Variants in SLC12A5 observed in about 807,000 individuals in gnomAD.
SLC12A5 encodes the protein K-Cl cotransporter 2.
SLC12A5 carries 18 observed loss-of-function variants against 124.0 expected under a neutral mutation model. The observed-to-expected ratio is 0.15, with a 90% CI of 0.10 to 0.22. The LOEUF is 0.22. Ranked by LOEUF, SLC12A5 falls within the 10% of genes least tolerant of loss-of-function variation. The pLI, the probability that SLC12A5 is intolerant of heterozygous loss-of-function variation, is 1.00. For missense variants in SLC12A5, 867 were observed against 1,478.7 expected (o/e 0.59, Z 6.78); for synonymous variants, 589 against 568.0 (o/e 1.04, Z -0.53).
chr20:46,040,631 T>G lies in SLC12A5; in HGVS notation c.854+17T>G. On this transcript the variant is annotated intron_variant, in intron 7 of 25. Transcript: ENST00000243964. ...CAACTTCCCGTGAGTGCTGCTGCTC[T>G]GAGCCCAAGGAATCGTCCTCCTACC... 6.2e-7 allele frequency: 1 copy of G among 1,612,218 alleles called. No individual in the cohort carries two copies. Among genetic ancestry groups the G allele is most frequent in the Non-Finnish European group, 8.5e-7 (1 of 1,178,442 alleles).
At position 46,031,593 on chromosome 20, in the gene SLC12A5, T is replaced by G. The variant is rs1298404992; in HGVS notation, c.52+2197T>G. Among the ~76,000 whole-genome samples, 4 of 152,144 alleles carry G rather than the reference T, an allele frequency of 2.6e-5. No homozygotes were observed. The East Asian group carries it at 7.7e-4, about 29-fold the overall frequency. On this transcript the variant is annotated intron_variant, in intron 1 of 25. Transcript: ENST00000243964. The stretch of plus-strand genomic sequence containing the variant: ...TCTGGACTAAAGAAGAGCCCAGGGA[T>G]GTGTCCCGGTCTTCTTTCTCCTTGG...
upstream of SLC12A5, chr20:46,021,835 C>T (rs1056105141): frequency 3.3e-6 from 5 of 1,533,662 alleles, no homozygotes; most frequent in Non-Finnish European, 4.4e-6. Context: ...CCCAGAGTCC[C>T]GCCGGCATTC....
chr20:46,054,800 G>T (rs1378198148), intron 20 of SLC12A5, 116 bp from the exon 21 acceptor site: 4 of 694,224 alleles, frequency 5.8e-6, no homozygotes, highest in East Asian at 2.7e-5. Flanking sequence ...GCCCTAGGCT[G>T]CCAGAAGGAC....
Position 46,049,780 on chromosome 20 carries a change from G to A in SLC12A5, c.2171G>A (p.Arg724Gln), listed in dbSNP as rs763907201. 52 of 1,594,158 alleles carry A rather than the reference G, an allele frequency of 3.3e-5. No homozygotes were observed. The South Asian group carries it at 5.4e-4, about 17-fold the overall frequency. Residue 724 changes from arginine to glutamine, a missense_variant, in exon 17 of 26, where the codon CGG (arginine) becomes CAG (glutamine). Arg to Gln is a conservative substitution (Grantham distance 43). Coordinates refer to ENST00000243964, the MANE Select transcript of SLC12A5 (RefSeq NM_020708.5). Reference protein sequence around the residue: ...TFLENHPQAQRAEESIRRLME... With the variant: ...TFLENHPQAQQAEESIRRLME... ...CTGGAAAATCATCCACAGGCCCAGC[G>A]GGCAGAAGAGGTGAGCAGAGGCCCT...
At chr20:46,029,073 T>G (rs2084421595), upstream of SLC12A5, 32 of 1,259,906 alleles carry the variant, frequency 2.5e-5, no homozygotes, top group Non-Finnish European at 3.2e-5. Flanking sequence ...TCTCTCTCCC[T>G]CCCGCTCTCC....
intron 1 of SLC12A5, among the ~76,000 whole-genome samples, chr20:46,034,020 C>T (rs577900280): frequency 5.3e-5 from 8 of 152,226 alleles, no homozygotes; most frequent in African/African-American, 1.4e-4. Context: ...TTCTTGAACA[C>T]GACCTGCTAA....
chr20:46,046,303 A>C (rs374143473), intron 13 of SLC12A5, 35 bp from the exon 14 acceptor site: 19 of 1,581,478 alleles, frequency 1.2e-5, no homozygotes, highest in Middle Eastern at 1.7e-4. Context: ...CTCCCTTTGC[A>C]TCTCTGTCTC....
upstream of SLC12A5, among the ~76,000 whole-genome samples, chr20:46,027,003 C>G (rs1412099293): frequency 6.6e-6 from 1 of 152,226 alleles, no homozygotes; most frequent in East Asian, 1.9e-4. Context: ...TACTGAAAAA[C>G]CTTAGCATCT....
chr20:46,044,875 C>T (rs1303639376), intron 11 of SLC12A5, 91 bp from the exon 12 acceptor site: 36 of 1,426,306 alleles, frequency 2.5e-5, no homozygotes, highest in Non-Finnish European at 3.2e-5. Flanking sequence ...CTGTGGCAGG[C>T]ACACAGTTGG....
rs1288834040 is a variant in SLC12A5 at position 46,053,621 on chromosome 20, T to C, written c.2591T>C (p.Met864Thr). Residue 864 changes from methionine to threonine, a missense_variant, in exon 20 of 26, where the codon ATG becomes ACG. Coordinates refer to ENST00000243964, the MANE Select transcript of SLC12A5 (RefSeq NM_020708.5). The surrounding 1 kb of genome is among the most constrained non-coding windows in gnomAD (Gnocchi z 4.7). ...CKMRIFTVAQ[M>T]DDNSIQMKKD... ...ATGCGTATCTTCACTGTGGCCCAGA[T>C]GGATGACAATAGCATCCAGATGAAG... The C allele has an allele frequency of 1.2e-6, 2 of 1,613,950 alleles. No homozygotes were observed. Among genetic ancestry groups the C allele is most frequent in the East Asian group, 2.2e-5 (1 of 44,894 alleles).
intron 1 of SLC12A5, among the ~76,000 whole-genome samples, chr20:46,033,720 A>G (rs893964962): frequency 2.0e-5 from 3 of 151,762 alleles, no homozygotes; most frequent in Admixed American, 1.3e-4. Context: ...CCATCATCCA[A>G]CCATTCACCC....
intron 21 of SLC12A5, among the ~76,000 whole-genome samples, chr20:46,055,511 A>G (rs549104945): frequency 6.6e-6 from 1 of 152,120 alleles, no homozygotes; most frequent in South Asian, 2.1e-4. Context: ...TGTGGGTGTA[A>G]GATCTTCTAG....
In SLC12A5 at chr20:46,034,845, G is replaced by T. The variant is rs139116712; in HGVS notation, c.53-103G>T. 15 of 1,033,244 alleles carry T rather than the reference G, an allele frequency of 1.5e-5. No homozygotes were observed. The African/African-American group carries it at 1.6e-4, about 11-fold the overall frequency. 64.0% of individuals were successfully genotyped at this position (1,033,244 alleles called of 1,614,324 possible). A position where few individuals can be genotyped will look rare whatever the true frequency, so the allele number is the denominator to read the frequency against. On this transcript the variant is annotated intron_variant, in intron 1 of 25. Transcript: ENST00000243964. ...GGTATTAGCCCCATTTTCCCAATGC[G>T]CGAACTGAGATTCAGAGGGCTACTG... is the stretch of plus-strand genomic sequence containing the variant.
At chr20:46,037,416 C>T (rs1209956627) in intron 6 of SLC12A5, 31 bp downstream of exon 6, 3 of 1,585,008 alleles carry the variant, frequency 1.9e-6, no homozygotes, top group African/African-American at 1.3e-5. Flanking sequence ...GGTGTGGAAC[C>T]CCAGGTTGTC....
rs747941938 is a variant in SLC12A5 at position 46,051,867 on chromosome 20, A to C, written c.2374A>C (p.Ile792Leu). The C allele has an allele frequency of 1.3e-6, 1 of 743,464 alleles. No homozygotes were observed. Among genetic ancestry groups the C allele is most frequent in the Non-Finnish European group, 2.0e-6 (1 of 494,984 alleles). 46.1% of individuals were successfully genotyped at this position (743,464 alleles called of 1,614,324 possible). The change falls in exon 18 of 26, where the codon ATT becomes CTT. Residue 792 changes from isoleucine (I) to leucine (L), a missense_variant. Transcript: ENST00000243964. Reference protein sequence around the residue: ...KEDHQTWRNFIELVRETTAGH... With the variant: ...KEDHQTWRNFLELVRETTAGH... Reference sequence around the variant, plus strand: ...AGATCATCAGACGTGGAGGAACTTCATTGGTAACGCTATTGGGGGCTGGGG... The same window carrying C: ...AGATCATCAGACGTGGAGGAACTTCCTTGGTAACGCTATTGGGGGCTGGGG...
rs1197562855 is a variant in SLC12A5, at chr20:46,059,618, CAA to C, written c.*2015_*2016del. The stretch of plus-strand genomic sequence containing the variant: ...GCCCAGATTGTCTGGTTGGCAAGAG[CAA>C]AGTTTCCGTTGATGAAACAGACATC... On this transcript the variant is annotated 3_prime_UTR_variant, in exon 26 of 26. Coordinates refer to ENST00000243964, the MANE Select transcript of SLC12A5 (RefSeq NM_020708.5). 5.0e-6 allele frequency: 2 copies of C among 398,966 alleles called. No individual in the cohort carries two copies. Among genetic ancestry groups the C allele is most frequent in the Non-Finnish European group, 4.4e-6 (1 of 226,086 alleles). 24.7% of individuals were successfully genotyped at this position (398,966 alleles called of 1,614,324 possible). A position where few individuals can be genotyped will look rare whatever the true frequency, so the allele number is the denominator to read the frequency against.
intron 9 of SLC12A5, 21 bp downstream of exon 9, chr20:46,043,344 G>A: frequency 1.2e-6 from 2 of 1,609,782 alleles, no homozygotes; most frequent in Non-Finnish European, 1.7e-6. Context: ...GCTCAGAGAG[G>A]GAAGACTCTG....
Position 46,053,796 on chromosome 20 carries a change from T to G in SLC12A5, c.2679+87T>G, listed in dbSNP as rs1367074736. On this transcript the variant is annotated intron_variant, in intron 20 of 25. Transcript: ENST00000243964. This position sits in a 1 kb window ranked among gnomAD's most constrained non-coding sequence, Gnocchi z 4.7. ...CCAAGTAGGGCAACTCTAACACCCA[T>G]CAGCTTATGATGCTGGATCCTTTCC... 1 of 1,389,396 alleles carries G rather than the reference T, an allele frequency of 7.2e-7. No individual in the cohort carries two copies. Among genetic ancestry groups the G allele is most frequent in the Non-Finnish European group, 9.6e-7 (1 of 1,036,634 alleles). 86.1% of individuals were successfully genotyped at this position (1,389,396 alleles called of 1,614,324 possible).
At position 46,056,468 on chromosome 20, in the gene SLC12A5, A is replaced by G. The variant is rs1359319227; in HGVS notation, c.3014A>G (p.His1005Arg). Reference sequence around the variant, plus strand: ...GGGGAGACAGATCCGGAGAAGGTGCATCTCACCTGGACCAAGGACAAGTCG... The same window carrying G: ...GGGGAGACAGATCCGGAGAAGGTGCGTCTCACCTGGACCAAGGACAAGTCG... ...GEGETDPEKV[H>R]LTWTKDKSVA... The change falls in exon 23 of 26, where the codon CAT becomes CGT. Residue 1005 changes from histidine to arginine, a missense_variant. His to Arg is a conservative substitution (Grantham distance 29). Transcript: ENST00000243964. This position sits in a 1 kb window ranked among gnomAD's most constrained non-coding sequence, Gnocchi z 4.3. The G allele has an allele frequency of 6.2e-7, 1 of 1,614,178 alleles. No individual in the cohort carries two copies. Among genetic ancestry groups the G allele is most frequent in the South Asian group, 1.1e-5 (1 of 91,088 alleles).
Sources: gnomAD v4.1 joint callset for allele counts (sites outside exome capture counted in the v4.1 genomes callset) on GRCh38, gnomAD v4.1.1 for gene constraint, Gnocchi (gnomAD v3.1) non-coding constraint, MANE v1.5 for transcripts, NCBI Gene and HGNC (gene_info 2026-07-23, HGNC 2026-07-21) for gene names.